Variants in RMC1 observed in about 807,000 individuals in gnomAD.
The protein encoded by RMC1 is regulator of MON1-CCZ1.
A neutral mutation model predicts 95.5 loss-of-function variants in RMC1; 44 were observed. The ratio of observed to expected loss-of-function variants is 0.46; its 90% CI spans 0.36 to 0.59. The LOEUF (loss-of-function observed/expected upper bound fraction) is 0.59, where lower values mean the gene tolerates loss of function less well. RMC1 is among the 20% of genes least tolerant of loss of function. RMC1 has a pLI of 0.00. For synonymous variants in RMC1, 320 were observed against 303.6 expected (o/e 1.05, Z -0.56); for missense variants, 705 against 819.6 (o/e 0.86, Z 1.71).
chr18:23,514,266 A>T (rs747414128), intron 5 of RMC1, among the ~76,000 whole-genome samples: 2 of 152,236 alleles, frequency 1.3e-5, no homozygotes, highest in Non-Finnish European at 2.9e-5. Context: ...CTGTAATCCT[A>T]GCACTTTGGG....
At chr18:23,515,145 G>A (rs2057965938) in intron 5 of RMC1, among the ~76,000 whole-genome samples, 1 of 152,080 alleles carries the variant, frequency 6.6e-6, no homozygotes, top group Non-Finnish European at 1.5e-5. Context: ...AGTTTCTTTT[G>A]GCCGTTTCCT....
Position 23,507,972 on chromosome 18 carries a change from T to C in RMC1, c.265-13T>C. 6.2e-7 allele frequency: 1 copy of C among 1,610,082 alleles called. No homozygotes were observed. Among genetic ancestry groups the C allele is most frequent in the Non-Finnish European group, 8.5e-7 (1 of 1,178,384 alleles). On this transcript the variant is annotated splice_polypyrimidine_tract_variant and intron_variant, in intron 3 of 19. Coordinates refer to ENST00000269221, the MANE Select transcript of RMC1 (RefSeq NM_013326.5). ...ATCCAAATTTGTGTGTGTCTGTGTG[T>C]TTTTCCTTTCAGGATTTTTGTAATT...
At chr18:23,519,726 C>T (rs777130664) in intron 9 of RMC1, among the ~76,000 whole-genome samples, 2 of 152,204 alleles carry the variant, frequency 1.3e-5, no homozygotes, top group Non-Finnish European at 2.9e-5. Context: ...GGAATCCGCT[C>T]CATTCCACGA....
Position 23,527,791 on chromosome 18 carries a change from C to A in RMC1, c.1190-4C>A. 6.2e-7 allele frequency: 1 copy of A among 1,611,858 alleles called. No homozygotes were observed. The highest frequency in any genetic ancestry group is 8.5e-7 in the Non-Finnish European group (1 of 1,178,038). ...ATCCGTGTGTGAACATTGTGCCTTT[C>A]CAGTGTTAAGTGAGTCAGACAGAGC... On this transcript the variant is annotated splice_polypyrimidine_tract_variant and splice_region_variant and intron_variant, in intron 13 of 19. Coordinates refer to ENST00000269221, the MANE Select transcript of RMC1 (RefSeq NM_013326.5).
intron 11 of RMC1, 84 bp downstream of exon 11, chr18:23,524,258 A>G: frequency 1.3e-6 from 2 of 1,556,670 alleles, no homozygotes; most frequent in South Asian, 2.2e-5. Context: ...TCCTCCGGGC[A>G]GCTGTGAATA....
chr18:23,524,028 T>G, intron 10 of RMC1, 102 bp from the exon 11 acceptor site: 2 of 1,270,382 alleles, frequency 1.6e-6, no homozygotes, highest in Non-Finnish European at 2.3e-6. Flanking sequence ...TGAATAAACA[T>G]TTCGTAATGA....
At chr18:23,531,566 T>C in intron 19 of RMC1, 59 bp from the exon 20 acceptor site, 3 of 1,587,814 alleles carry the variant, frequency 1.9e-6, no homozygotes, top group East Asian at 2.2e-5. Context: ...TACGAGATGC[T>C]TTCTTTGTCC....
At chr18:23,514,344 G>A (rs2057942647) in intron 5 of RMC1, among the ~76,000 whole-genome samples, 1 of 152,148 alleles carries the variant, frequency 6.6e-6, no homozygotes, top group African/African-American at 2.4e-5. Context: ...GCGAAACCCC[G>A]TCTCTATTAA....
intron 7 of RMC1, among the ~76,000 whole-genome samples, chr18:23,516,890 T>C (rs952980816): frequency 2.0e-5 from 3 of 151,986 alleles, no homozygotes; most frequent in Non-Finnish European, 4.4e-5. Context: ...CTCGCCCGGC[T>C]AGTCTTTGTA....
At chr18:23,507,417 A>G (rs8083834) in intron 3 of RMC1, among the ~76,000 whole-genome samples, 1,762 of 152,154 alleles carry the variant, frequency 0.012, 37 homozygotes, top group African/African-American at 0.04. Context: ...TTGGAACTTC[A>G]TGTGTCTTTT....
rs764625487 is a variant in RMC1, at chr18:23,529,183, T to C, written c.1301T>C (p.Val434Ala). Residue 434 changes from valine (V) to alanine (A), a missense_variant, in exon 15 of 20, where the codon GTG becomes GCG. Coordinates refer to ENST00000269221, the MANE Select transcript of RMC1 (RefSeq NM_013326.5). ...TTTGTGGTTTTTTTCTTTCAGGCGG[T>C]GGAAGCAGGGCAGAGCCGAAGCAGC... ...LDAEQSYAMA[V>A]EAGQSRSSPL... The C allele has an allele frequency of 3.1e-6, 5 of 1,609,562 alleles. No homozygotes were observed. The African/African-American group carries it at 5.4e-5, about 17-fold the overall frequency.
rs1208881387 is a variant in RMC1, at chr18:23,503,661, G to C, written c.43G>C (p.Val15Leu). Residue 15 changes from valine (V) to leucine (L), a missense_variant, in exon 1 of 20, where the codon GTG becomes CTG. Transcript: ENST00000269221. ...CTATCTGGAGCTGTGCGAGCGGCCG[G>C]TGCAGTTCGAGAAGGCGAACCCTGT... ...DYYLELCERPVQFEKANPVNC... is the reference protein window; with the variant it reads ...DYYLELCERPLQFEKANPVNC... 6.3e-7 allele frequency: 1 copy of C among 1,591,966 alleles called. No individual in the cohort carries two copies. Among genetic ancestry groups the C allele is most frequent in the Non-Finnish European group, 8.5e-7 (1 of 1,169,770 alleles).
rs755119473 is a variant in RMC1 at position 23,530,353 on chromosome 18, T to G, written c.1669-34T>G. 9.9e-6 allele frequency: 16 copies of G among 1,613,926 alleles called. No homozygotes were observed. The East Asian group carries it at 3.6e-4, about 36-fold the overall frequency. ...GGAAACTAACTCTGTTCCTGTTGTT[T>G]GCACTGACCTGGACTTCTCTCCCTT... On this transcript the variant is annotated intron_variant, in intron 18 of 19. Coordinates refer to ENST00000269221, the MANE Select transcript of RMC1 (RefSeq NM_013326.5).
intron 5 of RMC1, among the ~76,000 whole-genome samples, chr18:23,511,173 G>A (rs540864394): frequency 6.6e-6 from 1 of 152,342 alleles, no homozygotes; most frequent in South Asian, 2.1e-4. Context: ...CATGTCTTTT[G>A]TGGGAACATG....
chr18:23,528,127 CTG>C, intron 14 of RMC1: 1 of 443,680 alleles, frequency 2.3e-6, no homozygotes, highest in South Asian at 3.4e-5. Flanking sequence ...CATACCTTCA[CTG>C]TTTTTGTTTT....
rs1428000815 is a variant in RMC1, at chr18:23,526,621, G to C, written c.1061-16G>C. 6.2e-7 allele frequency: 1 copy of C among 1,612,672 alleles called. No individual in the cohort carries two copies. The highest frequency in any genetic ancestry group is 8.5e-7 in the Non-Finnish European group (1 of 1,179,306). ...TTTGCATCATACTGTTTTATTTGCT[G>C]CCTCTTAAAATCCAGGTTACCTCTG... On this transcript the variant is annotated splice_polypyrimidine_tract_variant and intron_variant, in intron 12 of 19. Coordinates refer to ENST00000269221, the MANE Select transcript of RMC1 (RefSeq NM_013326.5).
At chr18:23,515,769 G>A in intron 5 of RMC1, 87 bp from the exon 6 acceptor site, 1 of 1,520,580 alleles carries the variant, frequency 6.6e-7, no homozygotes, top group South Asian at 1.1e-5. Context: ...CTGACCTCAG[G>A]TGATCCGCCC....
At chr18:23,516,067 G>T in intron 6 of RMC1, 71 bp downstream of exon 6, 1 of 1,601,990 alleles carries the variant, frequency 6.2e-7, no homozygotes, top group Non-Finnish European at 8.5e-7. Flanking sequence ...ATCCTAATGT[G>T]TCAGGCACGT....
At chr18:23,528,461 AGAAT>A (rs2058374730) in intron 14 of RMC1, 1 of 153,634 alleles carries the variant, frequency 6.5e-6, no homozygotes, top group East Asian at 1.9e-4. Flanking sequence ...TAGGACAAGG[AGAAT>A]GAATTATTTC....
Sources: gnomAD v4.1 joint callset for allele counts (sites outside exome capture counted in the v4.1 genomes callset) on GRCh38, gnomAD v4.1.1 for gene constraint, MANE v1.5 for transcripts, NCBI Gene and HGNC (gene_info 2026-07-23, HGNC 2026-07-21) for gene names.